Variants in CDC42 observed in about 807,000 individuals in gnomAD.
CDC42 encodes the protein cell division control protein 42 homolog.
A neutral mutation model predicts 20.8 loss-of-function variants in CDC42; 1 was observed. The ratio of observed to expected loss-of-function variants is 0.05; its 90% CI spans 0.02 to 0.23. The LOEUF is 0.23. Among genes scored for constraint, CDC42 ranks in the 10% least tolerant of loss-of-function variants. The probability of loss-of-function intolerance (pLI) is 1.00; values close to 1 mark genes in which losing one functional copy is unlikely to be tolerated. For synonymous variants in CDC42, 72 were observed against 84.8 expected, an observed-to-expected ratio of 0.85 and a Z score of 0.83; for missense variants, 49 against 227.9, an observed-to-expected ratio of 0.21 and a Z score of 5.05.
intron 5 of CDC42, chr1:22,090,113 C>T: frequency 6.6e-7 from 1 of 1,526,220 alleles, no homozygotes; most frequent in Non-Finnish European, 8.9e-7. Context: ...AGGAATAAAA[C>T]CATCCTGTTT....
chr1:22,092,090 C>G lies in CDC42; in HGVS notation c.*573C>G, dbSNP rs1203115823. 1.3e-5 allele frequency: 2 copies of G among 152,232 alleles called. No individual in the cohort carries two copies. Among genetic ancestry groups the G allele is most frequent in the Admixed American group, 6.6e-5 (1 of 15,220 alleles). The allele number at this position is 152,232 out of a possible 1,614,324, so 9.4% of individuals were successfully genotyped here. A position where few individuals can be genotyped will look rare whatever the true frequency, so the allele number is the denominator to read the frequency against. ...AGATCTAGTTTAGAAAACATGTTCC[C>G]CATCTGGTGCTCTTAGGAAGGAGTA... On this transcript the variant is annotated 3_prime_UTR_variant, in exon 6 of 6. Coordinates refer to ENST00000656825, the MANE Select transcript of CDC42 (RefSeq NM_001791.4).
intron 3 of CDC42, among the ~76,000 whole-genome samples, chr1:22,084,699 G>A (rs930929403): frequency 1.3e-5 from 2 of 151,774 alleles, no homozygotes; most frequent in African/African-American, 4.8e-5. Context: ...TTGGTGGTTT[G>A]GTGTGATATC....
intron 1 of CDC42, among the ~76,000 whole-genome samples, chr1:22,075,883 C>T (rs930259463): frequency 5.9e-5 from 9 of 152,020 alleles, no homozygotes; most frequent in African/African-American, 1.9e-4. Context: ...GCAGTCAGGT[C>T]GGGAAGTCTA....
At chr1:22,085,283 T>A (rs1475103153) in intron 3 of CDC42, among the ~76,000 whole-genome samples, 1 of 151,678 alleles carries the variant, frequency 6.6e-6, no homozygotes, top group African/African-American at 2.4e-5. Flanking sequence ...AAGGGTTTAT[T>A]TCTGGGTTCT....
intron 1 of CDC42, 81 bp from the exon 2 acceptor site, chr1:22,078,348 A>C: frequency 1.7e-6 from 1 of 587,700 alleles, no homozygotes; most frequent in Non-Finnish European, 2.9e-6. Context: ...TCTTGCTCTG[A>C]GTGCCTGAAC....
chr1:22,092,344 G>A lies in CDC42; in HGVS notation c.*827G>A, dbSNP rs1645726903. The A allele has an allele frequency of 6.6e-6, 1 of 152,568 alleles. No individual in the cohort carries two copies. The allele number at this position is 152,568 out of a possible 1,614,324, so 9.5% of individuals were successfully genotyped here. On this transcript the variant is annotated 3_prime_UTR_variant, in exon 6 of 6. Coordinates refer to ENST00000656825, the MANE Select transcript of CDC42 (RefSeq NM_001791.4). ...CTAACTTCTTTCACTGATAAATGAA[G>A]AAAAGTATTGCACCTTTGAAATGCA... is the stretch of plus-strand genomic sequence containing the variant.
chr1:22,075,291 A>T (rs115044388), intron 1 of CDC42, among the ~76,000 whole-genome samples: 1,888 of 152,252 alleles, frequency 0.012, 16 homozygotes, highest in Non-Finnish European at 0.019. Flanking sequence ...TTAGAACTTG[A>T]CTCTGAAATG....
chr1:22,071,699 A>C (rs1221323058), intron 1 of CDC42, among the ~76,000 whole-genome samples: 2 of 152,176 alleles, frequency 1.3e-5, no homozygotes, highest in Non-Finnish European at 2.9e-5. Context: ...TTGAACTGAT[A>C]AGGAAGATTG....
intron 1 of CDC42, among the ~76,000 whole-genome samples, chr1:22,078,173 G>A (rs1645571601): frequency 6.6e-6 from 1 of 152,050 alleles, no homozygotes; most frequent in South Asian, 2.1e-4. Flanking sequence ...AAATAAATTC[G>A]CTGATTATCA....
At chr1:22,061,528 CTTTCTTTT>C (rs1324540043) in intron 1 of CDC42, among the ~76,000 whole-genome samples, 34,912 of 85,698 alleles carry the variant, frequency 0.41, 11,019 homozygotes, top group East Asian at 0.69. Flanking sequence ...CTTCATGTTT[CTTTCTTTT>C]TTTTTTTTTT....
At chr1:22,073,072 A>G (rs1365146642) in intron 1 of CDC42, among the ~76,000 whole-genome samples, 1 of 152,178 alleles carries the variant, frequency 6.6e-6, no homozygotes, top group Non-Finnish European at 1.5e-5. Context: ...TCCTCCATAC[A>G]GATCGTTTGC....
chr1:22,057,021 A>G (rs1054077360), intron 1 of CDC42, among the ~76,000 whole-genome samples: 1 of 152,204 alleles, frequency 6.6e-6, no homozygotes, highest in African/African-American at 2.4e-5. Flanking sequence ...TGATTGGTAT[A>G]TTGCTACTAT....
intron 1 of CDC42, among the ~76,000 whole-genome samples, chr1:22,054,921 A>ATATATATT (rs1645285768): frequency 1.5e-4 from 3 of 19,396 alleles, no homozygotes; most frequent in African/African-American, 2.1e-4. Flanking sequence ...ATATATATAT[A>ATATATATT]TTTTTTTTTT....
At chr1:22,070,212 C>T (rs979607931) in intron 1 of CDC42, among the ~76,000 whole-genome samples, 1 of 152,130 alleles carries the variant, frequency 6.6e-6, no homozygotes, top group Non-Finnish European at 1.5e-5. Flanking sequence ...CTCTTAAAAG[C>T]AAAATTTATT....
intron 1 of CDC42, among the ~76,000 whole-genome samples, chr1:22,070,193 T>C (rs1424544071): frequency 6.6e-6 from 1 of 152,176 alleles, no homozygotes; most frequent in African/African-American, 2.4e-5. Context: ...CAGAAATAAA[T>C]AGTAACTTCT....
Position 22,094,293 on chromosome 1 carries a change from G to GTTTT in CDC42, c.*2776_*2777insTTTT. 3.6e-5 allele frequency among the ~76,000 whole-genome samples: 1 copy of GTTTT among 27,716 alleles called. No individual in the cohort carries two copies. Among genetic ancestry groups the GTTTT allele is most frequent in the African/African-American group, 2.2e-4 (1 of 4,450 alleles). 18.2% of individuals were successfully genotyped at this position (27,716 alleles called of 152,430 possible). Reference sequence around the variant, plus strand: ...TGTTTTACTGAACATCCTAGAAATAGATTTTTTTTTTTTTTTTTTTTTGAG... The same window carrying GTTTT: ...TGTTTTACTGAACATCCTAGAAATAGTTTTATTTTTTTTTTTTTTTTTTTTTGAG... On this transcript the variant is annotated 3_prime_UTR_variant, in exon 6 of 6. Transcript: ENST00000656825.
intron 1 of CDC42, among the ~76,000 whole-genome samples, chr1:22,073,453 C>T (rs1570001522): frequency 6.6e-6 from 1 of 151,514 alleles, no homozygotes; most frequent in African/African-American, 2.4e-5. Flanking sequence ...GTGGGAGAAT[C>T]GCTTGAACCC....
chr1:22,100,377 G>T lies in CDC42; in HGVS notation c.*8860G>T, dbSNP rs560060432. Reference sequence around the variant, plus strand: ...ATTTGTCAAATGGTAAAACTGAGGCGAAACAACTTGGCATTGTTGGTGTTG... The same window carrying T: ...ATTTGTCAAATGGTAAAACTGAGGCTAAACAACTTGGCATTGTTGGTGTTG... On this transcript the variant is annotated 3_prime_UTR_variant, in exon 6 of 6. Transcript: ENST00000656825. Among the ~76,000 whole-genome samples, 1 of 152,312 alleles carries T rather than the reference G, an allele frequency of 6.6e-6. No homozygotes were observed. The highest frequency in any genetic ancestry group is 2.4e-5 in the African/African-American group (1 of 41,560).
intron 1 of CDC42, among the ~76,000 whole-genome samples, chr1:22,067,294 T>G (rs763479788): frequency 2.0e-5 from 3 of 152,122 alleles, no homozygotes; most frequent in African/African-American, 4.8e-5. Context: ...GGTGAGGGCC[T>G]GCTTTGTGGT....
Sources: allele counts gnomAD v4.1 joint callset (sites outside exome capture counted in the v4.1 genomes callset), GRCh38; gene constraint gnomAD v4.1.1; transcripts MANE v1.5; gene names NCBI Gene and HGNC (gene_info 2026-07-23, HGNC 2026-07-21).